Variants in PLCG2 observed in about 807,000 individuals in gnomAD.
PLCG2 encodes phospholipase C gamma 2.
PLCG2 carries 69 observed loss-of-function variants against 175.6 expected under a neutral mutation model. The ratio of observed to expected loss-of-function variants is 0.39; its 90% CI spans 0.32 to 0.48. The LOEUF is 0.48. Among genes scored for constraint, PLCG2 ranks in the 20% least tolerant of loss-of-function variants. PLCG2 has a pLI of 0.91. For synonymous variants in PLCG2, 827 were observed against 624.0 expected (o/e 1.33, Z -4.85); for missense variants, 1,798 against 1,650.9 (o/e 1.09, Z -1.54).
chr16:81,753,615 A>C (rs868791945), intron 1 of PLCG2, among the ~76,000 whole-genome samples: 8 of 152,128 alleles, frequency 5.3e-5, no homozygotes, highest in Middle Eastern at 6.8e-3. Context: ...GAAGGGTTTC[A>C]CCATGTTGGC....
intron 6 of PLCG2, 26 bp downstream of exon 6, chr16:81,869,324 A>T: frequency 1.3e-6 from 2 of 1,507,608 alleles, no homozygotes; most frequent in Non-Finnish European, 9.2e-7. Flanking sequence ...CAGCCTGGGA[A>T]TTTTATGAAT....
intron 26 of PLCG2, 92 bp downstream of exon 26, chr16:81,934,623 T>C: frequency 2.5e-6 from 2 of 792,332 alleles, no homozygotes; most frequent in Non-Finnish European, 4.3e-6. Flanking sequence ...AGAGAGTGCA[T>C]TCTCTCATTC....
At chr16:81,833,816 G>A (rs892413678) in intron 2 of PLCG2, among the ~76,000 whole-genome samples, 9 of 152,150 alleles carry the variant, frequency 5.9e-5, no homozygotes, top group African/African-American at 2.2e-4. Context: ...CCAAAGTGGT[G>A]GGGTTACAAG....
intron 17 of PLCG2, among the ~76,000 whole-genome samples, chr16:81,909,504 A>ACTC (rs1342552851): frequency 6.6e-6 from 1 of 152,064 alleles, no homozygotes; most frequent in Non-Finnish European, 1.5e-5. Flanking sequence ...GCAGCCTCAA[A>ACTC]CTCCTGGGCT....
intron 2 of PLCG2, chr16:81,798,462 T>A (rs1483535051): frequency 6.6e-6 from 1 of 152,202 alleles, no homozygotes; most frequent in Non-Finnish European, 1.5e-5. Context: ...TCTGGGAGGC[T>A]GGGGAGGCCT....
At chr16:81,900,054 A>G (rs906464415) in intron 13 of PLCG2, among the ~76,000 whole-genome samples, 1 of 152,230 alleles carries the variant, frequency 6.6e-6, no homozygotes, top group African/African-American at 2.4e-5. Context: ...AAATACACAG[A>G]CACCTTATAG....
chr16:81,752,154 G>C lies in PLCG2; in HGVS notation c.-144-3716G>C, dbSNP rs147491554. Among the ~76,000 whole-genome samples the C allele has an allele frequency of 7.9e-3, 1,204 of 152,252 alleles. 15 individuals carry two copies. Among genetic ancestry groups the C allele is most frequent in the African/African-American group, 0.028 (1,154 of 41,526 alleles). On this transcript the variant is annotated intron_variant, in intron 1 of 5. Coordinates refer to the PLCG2 transcript ENST00000565054. The stretch of plus-strand genomic sequence containing the variant: ...TGAACTATGAGCCTGCTGAGTGCTG[G>C]GTGCTGAGCTGGGAGCTCCCACTGT...
At chr16:81,935,967 C>T in intron 26 of PLCG2, 1 of 984,674 alleles carries the variant, frequency 1.0e-6, no homozygotes, top group Non-Finnish European at 1.2e-6. Context: ...AAAACTAGGC[C>T]CCTTTTTAAT....
intron 31 of PLCG2, among the ~76,000 whole-genome samples, chr16:81,954,098 C>A (rs989056982): frequency 2.0e-5 from 3 of 152,092 alleles, no homozygotes; most frequent in African/African-American, 7.2e-5. Flanking sequence ...TCGTGGCTCA[C>A]TGCAGCCTTA....
intron 2 of PLCG2, among the ~76,000 whole-genome samples, chr16:81,806,183 A>C (rs1028714870): frequency 2.0e-5 from 3 of 152,040 alleles, no homozygotes; most frequent in Non-Finnish European, 2.9e-5. Context: ...AGTGTTCAAA[A>C]GCCACATGTG....
In PLCG2 at chr16:81,743,840, G is replaced by T. The variant is rs1909647986; in HGVS notation, c.-145+4455G>T. Among the ~76,000 whole-genome samples, 3 of 151,322 alleles carry T rather than the reference G, an allele frequency of 2.0e-5. No individual in the cohort carries two copies. In the South Asian group the frequency reaches 6.3e-4, roughly 32 times the overall value. ...GCCCTTGGTTTTCAGTTACATGAGG[G>T]GATAACCTCCTTTTTTTTCTTTTTC... On this transcript the variant is annotated intron_variant, in intron 1 of 5. Coordinates refer to the PLCG2 transcript ENST00000565054.
At chr16:81,895,433 G>A (rs947785240) in intron 12 of PLCG2, among the ~76,000 whole-genome samples, 3 of 152,110 alleles carry the variant, frequency 2.0e-5, no homozygotes, top group East Asian at 1.9e-4. Flanking sequence ...GATGGTACGC[G>A]CCTGTAGTCC....
chr16:81,778,082 A>AC (rs1413674772), upstream of PLCG2, among the ~76,000 whole-genome samples: 20 of 136,654 alleles, frequency 1.5e-4, 1 homozygote, highest in African/African-American at 2.3e-4. Flanking sequence ...ACACACACAC[A>AC]AAAAAAACGC....
chr16:81,772,571 A>G (rs975057049), intron 2 of PLCG2, among the ~76,000 whole-genome samples: 1 of 151,330 alleles, frequency 6.6e-6, no homozygotes, highest in Admixed American at 6.6e-5. Flanking sequence ...GCACTTTGGG[A>G]GGCCGAGGTG....
chr16:81,804,124 C>G (rs1200653306), intron 2 of PLCG2, among the ~76,000 whole-genome samples: 1 of 152,174 alleles, frequency 6.6e-6, no homozygotes, highest in African/African-American at 2.4e-5. Context: ...AAGGAATTGC[C>G]AAGACTGTTT....
chr16:81,962,072 G>C lies in PLCG2; in HGVS notation c.*4074G>C, dbSNP rs1375089843. The C allele has an allele frequency of 2.1e-5, 4 of 187,010 alleles. No individual in the cohort carries two copies. The Admixed American group carries it at 2.5e-4, about 12-fold the overall frequency. The allele number at this position is 187,010 out of a possible 1,614,324, so 11.6% of individuals were successfully genotyped here. ...CCGAAGCTGCGCGCTCCGTCGAAGA[G>C]GACGACCAACCCCGATAGAGGAGGA... On this transcript the variant is annotated 3_prime_UTR_variant, in exon 33 of 33. Coordinates refer to ENST00000564138, the MANE Select transcript of PLCG2 (RefSeq NM_002661.5).
At position 81,899,153 on chromosome 16, in the gene PLCG2, C is replaced by T. The variant is rs112924208; in HGVS notation, c.1194-1459C>T. Among the ~76,000 whole-genome samples, 671 of 152,056 alleles carry T rather than the reference C, an allele frequency of 4.4e-3. 5 individuals are homozygous for T. The highest frequency in any genetic ancestry group is 0.015 in the African/African-American group (640 of 41,444). ...GCAATGAGCTGAGGTCACGCCATTG[C>T]ACTCCATCCCGGGCAATGAGTGAAA... On this transcript the variant is annotated intron_variant, in intron 13 of 32. Transcript: ENST00000564138.
intron 31 of PLCG2, among the ~76,000 whole-genome samples, chr16:81,949,212 G>A (rs1288293132): frequency 3.3e-5 from 5 of 152,132 alleles, no homozygotes; most frequent in African/African-American, 1.2e-4. Context: ...TTAAACAGAC[G>A]GTGGAGAGCT....
intron 2 of PLCG2, among the ~76,000 whole-genome samples, chr16:81,810,846 G>T (rs1264069753): frequency 6.6e-6 from 1 of 152,156 alleles, no homozygotes; most frequent in Non-Finnish European, 1.5e-5. Flanking sequence ...AGTGGGAGAG[G>T]CAAGCACAAC....
Sources: allele counts gnomAD v4.1 joint callset (sites outside exome capture counted in the v4.1 genomes callset), GRCh38; gene constraint gnomAD v4.1.1; transcripts MANE v1.5; gene names NCBI Gene and HGNC (gene_info 2026-07-23, HGNC 2026-07-21).